CSMD1: variants seen among roughly 807,000 people sequenced by gnomAD.
The protein encoded by CSMD1 is CUB and sushi domain-containing protein 1.
A neutral mutation model predicts 417.5 loss-of-function variants in CSMD1; 213 were observed. That is an observed-to-expected ratio of 0.51 (90% CI 0.46 to 0.57). The LOEUF is 0.57. Ranked by LOEUF, CSMD1 falls within the 20% of genes least tolerant of loss-of-function variation. CSMD1 has a pLI of 0.00. For missense variants in CSMD1, 6,923 were observed against 4,529.7 expected (o/e 1.53, Z -15.17); for synonymous variants, 2,862 against 1,736.8 (o/e 1.65, Z -16.11).
At chr8:4,051,264 G>C (rs1798409976) in intron 3 of CSMD1, among the ~76,000 whole-genome samples, 1 of 148,832 alleles carries the variant, frequency 6.7e-6, no homozygotes, top group Admixed American at 6.7e-5. Context: ...TTCTTCAACA[G>C]TTTTACAAAG....
chr8:3,286,046 A>G (rs561841918), intron 25 of CSMD1, among the ~76,000 whole-genome samples: 1 of 152,066 alleles, frequency 6.6e-6, no homozygotes, highest in Non-Finnish European at 1.5e-5. Flanking sequence ...CTCACTGTTC[A>G]ACTCCCACCT....
At chr8:4,511,238 G>A (rs1179949329) in intron 2 of CSMD1, among the ~76,000 whole-genome samples, 1 of 152,136 alleles carries the variant, frequency 6.6e-6, no homozygotes, top group Admixed American at 6.5e-5. Flanking sequence ...AAGAAAGTGT[G>A]AATTCTCAGA....
At chr8:4,949,668 G>A (rs150811992) in intron 1 of CSMD1, among the ~76,000 whole-genome samples, 20 of 152,280 alleles carry the variant, frequency 1.3e-4, no homozygotes, top group African/African-American at 4.3e-4. Flanking sequence ...TGCCAAGGCT[G>A]AGAAATACTG....
At chr8:3,800,471 C>T (rs947471321) in intron 5 of CSMD1, among the ~76,000 whole-genome samples, 1 of 152,076 alleles carries the variant, frequency 6.6e-6, no homozygotes, top group African/African-American at 2.4e-5. Context: ...ACTGGATATC[C>T]ACATGCAAAA....
intron 2 of CSMD1, among the ~76,000 whole-genome samples, chr8:4,571,315 G>A (rs550354513): frequency 5.3e-5 from 8 of 152,290 alleles, no homozygotes; most frequent in Admixed American, 1.3e-4. Flanking sequence ...TGCTTTAGCC[G>A]TGTCCCAGAG....
At chr8:3,555,683 G>C (rs752219285) in intron 10 of CSMD1, among the ~76,000 whole-genome samples, 2 of 152,250 alleles carry the variant, frequency 1.3e-5, no homozygotes, top group South Asian at 2.1e-4. Flanking sequence ...TTAAATGTGA[G>C]GGTGCATAAA....
chr8:3,240,261 C>T (rs1799411971), intron 26 of CSMD1, among the ~76,000 whole-genome samples: 1 of 151,984 alleles, frequency 6.6e-6, no homozygotes, highest in Non-Finnish European at 1.5e-5. Context: ...AGGATGGGGG[C>T]AGTCTCTAAA....
intron 1 of CSMD1, among the ~76,000 whole-genome samples, chr8:4,761,732 G>C (rs1267759132): frequency 6.6e-6 from 1 of 152,006 alleles, no homozygotes; most frequent in African/African-American, 2.4e-5. Context: ...TAATGAATTA[G>C]GGCAGAATTA....
intron 1 of CSMD1, among the ~76,000 whole-genome samples, chr8:4,775,991 T>A (rs1236200415): frequency 6.6e-6 from 1 of 152,096 alleles, no homozygotes; most frequent in Non-Finnish European, 1.5e-5. Context: ...AACAGCAACC[T>A]CAGAAATGCC....
intron 1 of CSMD1, among the ~76,000 whole-genome samples, chr8:4,874,678 T>C (rs963573018): frequency 1.3e-5 from 2 of 151,936 alleles, no homozygotes; most frequent in Non-Finnish European, 2.9e-5. Context: ...TGGCATCTTA[T>C]GTAGAATAGC....
intron 3 of CSMD1, among the ~76,000 whole-genome samples, chr8:4,389,452 A>G (rs887890419): frequency 6.6e-6 from 1 of 152,216 alleles, no homozygotes; most frequent in Admixed American, 6.5e-5. Flanking sequence ...AGAAACAAAC[A>G]AACATAATTT....
At chr8:4,289,462 T>C (rs1016837994) in intron 3 of CSMD1, among the ~76,000 whole-genome samples, 3 of 152,148 alleles carry the variant, frequency 2.0e-5, no homozygotes, top group Non-Finnish European at 2.9e-5. Flanking sequence ...CTCCATCAAG[T>C]CCAGTAGTAG....
At chr8:4,099,921 A>T (rs184113295) in intron 3 of CSMD1, among the ~76,000 whole-genome samples, 1 of 152,204 alleles carries the variant, frequency 6.6e-6, no homozygotes, top group Non-Finnish European at 1.5e-5. Flanking sequence ...CTAACAAAAA[A>T]TCAACAACAA....
At chr8:3,499,001 C>T (rs2117330629) in intron 10 of CSMD1, among the ~76,000 whole-genome samples, 1 of 152,112 alleles carries the variant, frequency 6.6e-6, no homozygotes, top group Non-Finnish European at 1.5e-5. Flanking sequence ...CTGTCCTTTT[C>T]TTTGGGATAT....
At chr8:3,882,272 A>G (rs1322587218) in intron 5 of CSMD1, among the ~76,000 whole-genome samples, 2 of 152,182 alleles carry the variant, frequency 1.3e-5, no homozygotes, top group Non-Finnish European at 2.9e-5. Context: ...AAGACACCAA[A>G]TCATCAATCC....
At chr8:3,046,129 C>A (rs972713214) in intron 50 of CSMD1, among the ~76,000 whole-genome samples, 15 of 152,170 alleles carry the variant, frequency 9.9e-5, no homozygotes, top group African/African-American at 3.4e-4. Context: ...AGGAGTTTTT[C>A]TGCAGAGGAG....
chr8:3,448,906 C>T (rs1032020201), intron 12 of CSMD1, among the ~76,000 whole-genome samples: 1 of 152,192 alleles, frequency 6.6e-6, no homozygotes, highest in South Asian at 2.1e-4. Flanking sequence ...AAGCACCTCC[C>T]TATGTATGAA....
rs1237984027 is a variant in CSMD1, at chr8:3,300,317, T to C, written c.3950+7378A>G. Among the ~76,000 whole-genome samples the C allele has an allele frequency of 4.1e-4, 62 of 152,296 alleles. 3 individuals carry two copies. Among genetic ancestry groups the C allele is most frequent in the Non-Finnish European group, 1.5e-5 (1 of 68,026 alleles). On this transcript the variant is annotated intron_variant, in intron 25 of 69. Coordinates refer to ENST00000635120, the MANE Select transcript of CSMD1 (RefSeq NM_033225.6). Reference sequence around the variant, plus strand: ...AAAAGCTATATCACCTTTTCAAGTGTAGTTTTCTTTGGTGTTTAAGATTAC... The same window carrying C: ...AAAAGCTATATCACCTTTTCAAGTGCAGTTTTCTTTGGTGTTTAAGATTAC...
intron 8 of CSMD1, among the ~76,000 whole-genome samples, chr8:3,615,677 C>A (rs539668848): frequency 2.6e-5 from 4 of 152,292 alleles, no homozygotes; most frequent in African/African-American, 4.8e-5. Context: ...AAAAAACATT[C>A]CTTCTTTCCT....
Sources: gnomAD v4.1 joint callset for allele counts (sites outside exome capture counted in the v4.1 genomes callset) on GRCh38, gnomAD v4.1.1 for gene constraint, MANE v1.5 for transcripts, NCBI Gene and HGNC (gene_info 2026-07-23, HGNC 2026-07-21) for gene names.